The following EBF1 variants were observed in gnomAD, a reference collection of about 807,000 sequenced individuals.
EBF1 encodes the protein transcription factor COE1.
In EBF1, 10 loss-of-function variants were observed where a neutral mutation model predicts 68.4. The ratio of observed to expected loss-of-function variants is 0.15; its 90% CI spans 0.09 to 0.25. The LOEUF is 0.25. Among genes scored for constraint, EBF1 ranks in the 10% least tolerant of loss-of-function variants. The pLI is 1.00. For missense variants in EBF1, 509 were observed against 794.4 expected (o/e 0.64, Z 4.32); for synonymous variants, 298 against 299.8 (o/e 0.99, Z 0.06).
In EBF1 at chr5:158,969,919, A is replaced by AGAAAAGAAAGAAAGAAAGAAAGAAAG. The variant is rs199980397; in HGVS notation, c.554+103476_554+103477insCTTTCTTTCTTTCTTTCTTTCTTTTC. On this transcript the variant is annotated intron_variant, in intron 6 of 15. Coordinates refer to ENST00000313708, the MANE Select transcript of EBF1 (RefSeq NM_024007.5). ...AAGAAAGAAAGAAAGAAAGAAAGAAAAAAAAAAAAAAGGCTGCTGGAAGTT... is the reference window on the plus strand; with the variant it reads ...AAGAAAGAAAGAAAGAAAGAAAGAAAGAAAAGAAAGAAAGAAAGAAAGAAAGAAAAAAAAAAAGGCTGCTGGAAGTT... Among the ~76,000 whole-genome samples the AGAAAAGAAAGAAAGAAAGAAAGAAAG allele has an allele frequency of 4.2e-3, 250 of 60,008 alleles. 2 individuals are homozygous for AGAAAAGAAAGAAAGAAAGAAAGAAAG. Among genetic ancestry groups the AGAAAAGAAAGAAAGAAAGAAAGAAAG allele is most frequent in the Admixed American group, 6.2e-3 (36 of 5,842 alleles). 39.4% of individuals were successfully genotyped at this position (60,008 alleles called of 152,430 possible). A position where few individuals can be genotyped will look rare whatever the true frequency, so the allele number is the denominator to read the frequency against.
intron 14 of EBF1, among the ~76,000 whole-genome samples, chr5:158,711,346 A>C (rs1759230909): frequency 6.6e-6 from 1 of 152,202 alleles, no homozygotes; most frequent in Non-Finnish European, 1.5e-5. Context: ...GACTATTGTT[A>C]CTATGTTATA....
chr5:158,844,565 T>C (rs1791043180), intron 6 of EBF1, among the ~76,000 whole-genome samples: 1 of 152,202 alleles, frequency 6.6e-6, no homozygotes, highest in South Asian at 2.1e-4. Context: ...TGAGAAAAAT[T>C]AGGCATCAGA....
rs529175392 is a variant in EBF1 at position 158,777,227 on chromosome 5, C to T, written c.1036+186G>A. Among the ~76,000 whole-genome samples the T allele has an allele frequency of 2.6e-5, 4 of 152,176 alleles. No individual in the cohort carries two copies. The East Asian group carries it at 5.8e-4, about 22-fold the overall frequency. On this transcript the variant is annotated intron_variant, in intron 10 of 15. Coordinates refer to ENST00000313708, the MANE Select transcript of EBF1 (RefSeq NM_024007.5). ...CAGAACGCGCCATTCAACATGGACA[C>T]CTAGAAGAATTCTTAATACAATAAT...
chr5:158,976,551 C>T (rs1756800505), intron 6 of EBF1, among the ~76,000 whole-genome samples: 1 of 150,410 alleles, frequency 6.6e-6, no homozygotes, highest in Non-Finnish European at 1.5e-5. Flanking sequence ...GTATTGATCA[C>T]AATTAGATCA....
chr5:158,730,219 T>G (rs961414289), intron 11 of EBF1, among the ~76,000 whole-genome samples: 3 of 152,250 alleles, frequency 2.0e-5, no homozygotes, highest in Non-Finnish European at 4.4e-5. Flanking sequence ...CAACGAATTC[T>G]GTACTTTGAA....
At chr5:158,789,411 G>A (rs1319516335) in intron 9 of EBF1, among the ~76,000 whole-genome samples, 1 of 151,998 alleles carries the variant, frequency 6.6e-6, no homozygotes, top group Non-Finnish European at 1.5e-5. Context: ...TTTTATTTTA[G>A]TGGAGCTGTA....
At chr5:158,965,153 A>G (rs985348606) in intron 6 of EBF1, among the ~76,000 whole-genome samples, 1 of 152,308 alleles carries the variant, frequency 6.6e-6, no homozygotes, top group African/African-American at 2.4e-5. Flanking sequence ...AGGGAGATAG[A>G]ATAAAAGAGC....
intron 6 of EBF1, among the ~76,000 whole-genome samples, chr5:159,050,254 C>T (rs555877310): frequency 6.6e-6 from 1 of 150,624 alleles, no homozygotes; most frequent in East Asian, 2.0e-4. Context: ...TCTCCTCCCT[C>T]TCCCTCTCTG....
chr5:158,920,076 A>G lies in EBF1; in HGVS notation c.555-79966T>C, dbSNP rs184473141. On this transcript the variant is annotated intron_variant, in intron 6 of 15. Coordinates refer to ENST00000313708, the MANE Select transcript of EBF1 (RefSeq NM_024007.5). ...TTAGGTATATGTGTACATAACTTGCAACATATATATATGAGAAATTACAAA... is the reference window on the plus strand; with the variant it reads ...TTAGGTATATGTGTACATAACTTGCGACATATATATATGAGAAATTACAAA... Among the ~76,000 whole-genome samples, 697 of 151,862 alleles carry G rather than the reference A, an allele frequency of 4.6e-3. 4 individuals are homozygous for G. Among genetic ancestry groups the G allele is most frequent in the African/African-American group, 0.016 (644 of 41,150 alleles).
chr5:158,995,589 C>T (rs1310779164), intron 6 of EBF1, among the ~76,000 whole-genome samples: 1 of 152,184 alleles, frequency 6.6e-6, no homozygotes, highest in Non-Finnish European at 1.5e-5. Flanking sequence ...ACAGGGCATC[C>T]TGTGGAGAGC....
chr5:158,798,910 G>A (rs1780066173), intron 8 of EBF1, among the ~76,000 whole-genome samples: 1 of 152,062 alleles, frequency 6.6e-6, no homozygotes, highest in Admixed American at 6.6e-5. Flanking sequence ...CACCATCCCT[G>A]CTTCGAGACT....
chr5:158,786,749 G>A (rs958382548), intron 9 of EBF1, among the ~76,000 whole-genome samples: 5 of 152,130 alleles, frequency 3.3e-5, no homozygotes, highest in African/African-American at 1.2e-4. Context: ...AAGGAAATCA[G>A]AATGCATTTA....
intron 6 of EBF1, among the ~76,000 whole-genome samples, chr5:158,969,540 G>C (rs1345487273): frequency 6.8e-6 from 1 of 146,518 alleles, no homozygotes; most frequent in Non-Finnish European, 1.5e-5. Flanking sequence ...GAGGCAGGAG[G>C]ATCACTTGAG....
intron 8 of EBF1, among the ~76,000 whole-genome samples, chr5:158,805,341 C>T (rs1484777555): frequency 6.6e-6 from 1 of 152,028 alleles, no homozygotes; most frequent in East Asian, 1.9e-4. Context: ...TTTAACAGGC[C>T]TTGAATGTGT....
At chr5:158,891,334 C>T (rs1801134099) in intron 6 of EBF1, among the ~76,000 whole-genome samples, 1 of 152,126 alleles carries the variant, frequency 6.6e-6, no homozygotes, top group Non-Finnish European at 1.5e-5. Flanking sequence ...GGAACTGTGT[C>T]CCTGTAACTG....
intron 6 of EBF1, among the ~76,000 whole-genome samples, chr5:158,890,337 G>T (rs761268581): frequency 6.6e-6 from 1 of 152,154 alleles, no homozygotes; most frequent in South Asian, 2.1e-4. Flanking sequence ...AAGATGATCC[G>T]CATTTGCTTA....
At chr5:159,029,053 T>G (rs1211519561) in intron 6 of EBF1, among the ~76,000 whole-genome samples, 1 of 152,166 alleles carries the variant, frequency 6.6e-6, no homozygotes, top group Non-Finnish European at 1.5e-5. Flanking sequence ...TATAAAGCCT[T>G]AAACCAATTG....
Position 159,063,595 on chromosome 5 carries a change from T to C in EBF1, c.554+9801A>G, listed in dbSNP as rs77754581. Among the ~76,000 whole-genome samples the C allele has an allele frequency of 2.6e-3, 397 of 152,328 alleles. 4 individuals carry two copies. Among genetic ancestry groups the C allele is most frequent in the African/African-American group, 9.2e-3 (383 of 41,558 alleles). On this transcript the variant is annotated intron_variant, in intron 6 of 15. Transcript: ENST00000313708. ...CAGGAACTATGTTTGTCTTTTTCAC[T>C]GTTATACCCCCAACCCTGAAAACAG...
At chr5:158,746,701 TG>T (rs1365283300) in intron 10 of EBF1, among the ~76,000 whole-genome samples, 2 of 152,184 alleles carry the variant, frequency 1.3e-5, no homozygotes, top group East Asian at 3.8e-4. Context: ...CTGCTCCTAT[TG>T]AAGCCTGGTG....
Sources: allele counts gnomAD v4.1 joint callset (sites outside exome capture counted in the v4.1 genomes callset), GRCh38; gene constraint gnomAD v4.1.1; transcripts MANE v1.5; gene names NCBI Gene and HGNC (gene_info 2026-07-23, HGNC 2026-07-21).